The following SVIL variants were observed in gnomAD, a reference collection of about 807,000 sequenced individuals.
The protein encoded by SVIL is archvillin.
SVIL carries 101 observed loss-of-function variants against 240.4 expected under a neutral mutation model. The observed-to-expected ratio is 0.42, with a 90% confidence interval of 0.36 to 0.50. The LOEUF is 0.50. SVIL is among the 20% of genes least tolerant of loss of function. The pLI is 0.01. For missense variants in SVIL, 2,512 were observed against 2,818.7 expected (o/e 0.89, Z 2.46); for synonymous variants, 999 against 1,100.0 (o/e 0.91, Z 1.82).
intron 18 of SVIL, among the ~76,000 whole-genome samples, chr10:29,498,444 A>T (rs1215245415): frequency 5.9e-5 from 9 of 152,142 alleles, no homozygotes; most frequent in African/African-American, 1.9e-4. Context: ...TTATGGGAAA[A>T]GACCAAAATT....
At chr10:29,615,919 C>A (rs188203210) in intron 1 of SVIL, among the ~76,000 whole-genome samples, 2 of 152,256 alleles carry the variant, frequency 1.3e-5, no homozygotes, top group Admixed American at 1.3e-4. Flanking sequence ...TTTATTTCAG[C>A]CAAGCAAATT....
intron 3 of SVIL, among the ~76,000 whole-genome samples, chr10:29,655,280 T>C (rs370798651): frequency 9.2e-5 from 14 of 152,054 alleles, no homozygotes; most frequent in African/African-American, 2.9e-4. Context: ...ACTGGGGAAG[T>C]CAATAGTGCA....
At chr10:29,488,315 G>A (rs189160067) in intron 23 of SVIL, among the ~76,000 whole-genome samples, 1 of 152,180 alleles carries the variant, frequency 6.6e-6, no homozygotes, top group Non-Finnish European at 1.5e-5. Flanking sequence ...TGGGATTCTG[G>A]AGTGGGGGGA....
At chr10:29,637,561 AAGACAACAC>A (rs1403156140), upstream of SVIL, among the ~76,000 whole-genome samples, 2 of 152,242 alleles carry the variant, frequency 1.3e-5, no homozygotes, top group African/African-American at 2.4e-5. Flanking sequence ...TACAGTAATC[AAGACAACAC>A]AGCATTGGCA....
intron 2 of SVIL, among the ~76,000 whole-genome samples, chr10:29,686,286 T>C (rs74131931): frequency 0.022 from 3,294 of 152,300 alleles, 110 homozygotes; most frequent in African/African-American, 0.075. Context: ...AAGCTGGGAA[T>C]CAGGCCCAGG....
At chr10:29,687,363 G>A (rs376342318) in intron 1 of SVIL, among the ~76,000 whole-genome samples, 123 of 152,244 alleles carry the variant, frequency 8.1e-4, no homozygotes, top group Non-Finnish European at 1.2e-3. Context: ...TATGCAAAAT[G>A]TAGATTTACT....
At chr10:29,466,413 T>C (rs930782120) in intron 33 of SVIL, among the ~76,000 whole-genome samples, 1 of 152,200 alleles carries the variant, frequency 6.6e-6, no homozygotes, top group Non-Finnish European at 1.5e-5. Flanking sequence ...TGCTGAGAAA[T>C]GAACGCTTCT....
chr10:29,667,776 G>T (rs986191525), intron 2 of SVIL, among the ~76,000 whole-genome samples: 7 of 151,708 alleles, frequency 4.6e-5, no homozygotes. Context: ...GACTGCTTGA[G>T]CCCAGGACTT....
At chr10:29,567,439 G>A (rs1955063801) in intron 2 of SVIL, among the ~76,000 whole-genome samples, 1 of 152,214 alleles carries the variant, frequency 6.6e-6, no homozygotes, top group Non-Finnish European at 1.5e-5. Flanking sequence ...TTTAGCTGGT[G>A]TCTGGTTGAC....
intron 2 of SVIL, among the ~76,000 whole-genome samples, chr10:29,674,140 A>G (rs1960021891): frequency 6.6e-6 from 1 of 152,012 alleles, no homozygotes; most frequent in Non-Finnish European, 1.5e-5. Context: ...AGACCAGTCT[A>G]GGCAACATAG....
At chr10:29,599,432 T>C (rs1956728524) in intron 1 of SVIL, among the ~76,000 whole-genome samples, 2 of 152,152 alleles carry the variant, frequency 1.3e-5, no homozygotes, top group South Asian at 2.1e-4. Context: ...ACTTTTTTTT[T>C]TGAGACAGAG....
Position 29,471,219 on chromosome 10 carries a change from GC to G in SVIL, c.5553del (p.Glu1851AspfsTer56), listed in dbSNP as rs763730965. 2 of 1,612,908 alleles carry G rather than the reference GC, an allele frequency of 1.2e-6. No individual in the cohort carries two copies. Among genetic ancestry groups the G allele is most frequent in the Non-Finnish European group, 1.7e-6 (2 of 1,179,148 alleles). ...TGGAAACACTGCAGGAAACAGGGGG[GC>G]TCCTTTCCCTGGAGAACCTGGACCT... is the stretch of plus-strand genomic sequence containing the variant. ...GAQVQVLQGK[E>X]PPCFLQCFQG... On this transcript the variant is annotated frameshift_variant, in exon 31 of 38. Coordinates refer to ENST00000355867, the MANE Select transcript of SVIL (RefSeq NM_021738.3). LOFTEE classifies it high-confidence loss of function.
rs546446802 is a variant in SVIL at position 29,689,801 on chromosome 10, C to T, written c.-399-3150G>A. 2.6e-5 allele frequency among the ~76,000 whole-genome samples: 4 copies of T among 152,340 alleles called. No homozygotes were observed. In the East Asian group the frequency reaches 7.7e-4, roughly 29 times the overall value. On this transcript the variant is annotated intron_variant, in intron 1 of 35. Coordinates refer to the SVIL transcript ENST00000375400. ...TCAAAGTCAGCCTCTATCCCTAATT[C>T]TGTTAGTGACTGTCTCGTACCTCCC... is the stretch of plus-strand genomic sequence containing the variant.
At chr10:29,547,734 AT>A (rs1952822528) in intron 6 of SVIL, among the ~76,000 whole-genome samples, 1 of 152,192 alleles carries the variant, frequency 6.6e-6, no homozygotes, top group Non-Finnish European at 1.5e-5. Context: ...TTGAGAATCT[AT>A]TATATGTGAT....
At position 29,522,466 on chromosome 10, in the gene SVIL, C is replaced by T. The variant is rs1950621275; in HGVS notation, c.3333G>A (p.Thr1111=). Residue 1111 remains threonine (T), a synonymous_variant, in exon 16 of 38, where the codon ACG becomes ACA. Transcript: ENST00000355867. ...CAMFAAGEIK[T]PTGEGLLDSP... is the part of the protein sequence containing the mutation. ...AGTCAAGAAGGCCCTCCCCTGTCGG[C>T]GTTTTGATCTCTCCAGCAGCAAACA... is the stretch of plus-strand genomic sequence containing the variant. 1.2e-6 allele frequency: 2 copies of T among 1,614,060 alleles called. No individual in the cohort carries two copies. Among genetic ancestry groups the T allele is most frequent in the Non-Finnish European group, 1.7e-6 (2 of 1,180,052 alleles).
chr10:29,663,218 T>C (rs1327963389), intron 2 of SVIL, among the ~76,000 whole-genome samples: 3 of 152,214 alleles, frequency 2.0e-5, no homozygotes, highest in African/African-American at 7.2e-5. Context: ...CCTAGACTTG[T>C]AATATTTTTA....
At chr10:29,724,566 TG>T (rs1964179554) in intron 1 of SVIL, among the ~76,000 whole-genome samples, 1 of 151,952 alleles carries the variant, frequency 6.6e-6, no homozygotes, top group African/African-American at 2.4e-5. Context: ...GGGGTCAGAA[TG>T]AAAAAAAATA....
At chr10:29,660,031 A>G (rs987280188) in intron 2 of SVIL, among the ~76,000 whole-genome samples, 1 of 152,158 alleles carries the variant, frequency 6.6e-6, no homozygotes, top group Non-Finnish European at 1.5e-5. Flanking sequence ...TCAAAAAGAA[A>G]ACAGGGGCTG....
intron 6 of SVIL, among the ~76,000 whole-genome samples, chr10:29,549,646 G>A (rs1336274243): frequency 1.4e-5 from 2 of 144,350 alleles, no homozygotes; most frequent in African/African-American, 5.1e-5. Context: ...TGATAGACTG[G>A]ATTAAGAAAA....
Sources: allele counts gnomAD v4.1 joint callset (sites outside exome capture counted in the v4.1 genomes callset), GRCh38; gene constraint gnomAD v4.1.1; transcripts MANE v1.5; gene names NCBI Gene and HGNC (gene_info 2026-07-23, HGNC 2026-07-21).